PARVB: variants seen among roughly 807,000 people sequenced by gnomAD.
The protein encoded by PARVB is beta-parvin.
Under a neutral mutation model 47.0 loss-of-function variants are expected in PARVB, and 46 were observed. The ratio of observed to expected loss-of-function variants is 0.98; its 90% CI spans 0.77 to 1.25. The LOEUF is 1.25. Ranked by LOEUF, PARVB falls within the 50% of genes most tolerant of loss-of-function variation. The pLI is 0.00. For synonymous variants in PARVB, 196 were observed against 196.3 expected, an observed-to-expected ratio of 1.00 and a Z score of 0.01; for missense variants, 473 against 471.6, an observed-to-expected ratio of 1.00 and a Z score of -0.03.
chr22:44,030,042 G>A (rs572193726), intron 1 of PARVB, among the ~76,000 whole-genome samples: 5 of 152,382 alleles, frequency 3.3e-5, no homozygotes, highest in African/African-American at 7.2e-5. Flanking sequence ...ACCAGCAACC[G>A]AGAATTTCCT....
At chr22:44,046,151 G>C (rs1354003022) in intron 1 of PARVB, among the ~76,000 whole-genome samples, 1 of 152,194 alleles carries the variant, frequency 6.6e-6, no homozygotes, top group Non-Finnish European at 1.5e-5. Flanking sequence ...TTTATCCCTG[G>C]GTGGCTTATG....
At position 44,063,125 on chromosome 22, in the gene PARVB, A is replaced by G. The variant is rs1242088939; in HGVS notation, c.113-30803A>G. Among the ~76,000 whole-genome samples the G allele has an allele frequency of 3.3e-5, 5 of 151,758 alleles. No individual in the cohort carries two copies. In the South Asian group the frequency reaches 1.0e-3, roughly 32 times the overall value. On this transcript the variant is annotated intron_variant, in intron 1 of 12. Transcript: ENST00000338758. ...TGTCAGGAACCAGGGTCAAAGACTA[A>G]ATATTAGAACAAAAGATTGTCCTGG...
intron 7 of PARVB, among the ~76,000 whole-genome samples, chr22:44,137,829 C>T (rs745688311): frequency 5.3e-5 from 8 of 152,124 alleles, no homozygotes; most frequent in Non-Finnish European, 8.8e-5. Context: ...CTTGGACATC[C>T]ATACCTATGT....
intron 1 of PARVB, among the ~76,000 whole-genome samples, chr22:44,050,078 G>A (rs934575767): frequency 2.6e-5 from 4 of 152,174 alleles, no homozygotes; most frequent in Non-Finnish European, 5.9e-5. Context: ...AGTTCTTCCT[G>A]CCTCAGATGA....
intron 1 of PARVB, among the ~76,000 whole-genome samples, chr22:44,069,778 C>T (rs1015988774): frequency 2.6e-5 from 4 of 152,314 alleles, no homozygotes; most frequent in African/African-American, 9.6e-5. Flanking sequence ...ATCCACCCAC[C>T]TCGGCCTCCC....
At chr22:44,138,076 T>C (rs1333446497) in intron 7 of PARVB, among the ~76,000 whole-genome samples, 1 of 152,038 alleles carries the variant, frequency 6.6e-6, no homozygotes, top group Admixed American at 6.5e-5. Flanking sequence ...GGTGGGAGAA[T>C]TGTCTCAGCT....
intron 1 of PARVB, 54 bp from the exon 2 acceptor site, chr22:44,093,874 G>C: frequency 8.8e-7 from 1 of 1,139,870 alleles, no homozygotes; most frequent in East Asian, 2.4e-5. Flanking sequence ...CAACATGTGA[G>C]GCCACGGCAC....
rs754823832 is a variant in PARVB at position 44,103,719 on chromosome 22, C to T, written c.273+3596C>T. ...GAGGGACATGGGGAGCTTTGACTGC[C>T]CATGAACATGGCAGCTTGACCCTGG... On this transcript the variant is annotated intron_variant, in intron 3 of 12. Transcript: ENST00000338758. This position sits in a 1 kb window ranked among gnomAD's most constrained non-coding sequence, Gnocchi z 4.6. 2.0e-5 allele frequency: 3 copies of T among 152,212 alleles called. No homozygotes were observed. Among genetic ancestry groups the T allele is most frequent in the Non-Finnish European group, 4.4e-5 (3 of 68,060 alleles). The allele number at this position is 152,212 out of a possible 1,614,324, so 9.4% of individuals were successfully genotyped here. A position where few individuals can be genotyped will look rare whatever the true frequency, so the allele number is the denominator to read the frequency against.
intron 12 of PARVB, among the ~76,000 whole-genome samples, chr22:44,164,234 G>C (rs1406605371): frequency 1.3e-5 from 2 of 152,234 alleles, no homozygotes; most frequent in African/African-American, 2.4e-5. Context: ...TGGAAATGCA[G>C]CTTCGTGCCC....
intron 3 of PARVB, chr22:44,112,685 C>CA (rs2052729570): frequency 1.0e-5 from 1 of 100,106 alleles, no homozygotes; most frequent in Non-Finnish European, 2.0e-5. Context: ...TGCACCAACA[C>CA]GGATACATTG....
At chr22:44,026,154 C>A in intron 1 of PARVB, 2 of 193,194 alleles carry the variant, frequency 1.0e-5, no homozygotes, top group Non-Finnish European at 1.9e-5. Context: ...AGGAAGAACA[C>A]ACACCCAAAG....
At chr22:44,034,131 A>G (rs1364140693) in intron 1 of PARVB, among the ~76,000 whole-genome samples, 1 of 150,552 alleles carries the variant, frequency 6.6e-6, no homozygotes, top group African/African-American at 2.4e-5. Flanking sequence ...TGTATAAAGA[A>G]TATAAAGAAT....
intron 1 of PARVB, among the ~76,000 whole-genome samples, chr22:44,056,075 C>T (rs1203065466): frequency 1.3e-5 from 2 of 152,190 alleles, no homozygotes; most frequent in African/African-American, 4.8e-5. Context: ...TTTGCACACG[C>T]ATGCATCTCT....
chr22:44,102,233 A>G (rs1158528458), intron 3 of PARVB, among the ~76,000 whole-genome samples: 1 of 152,054 alleles, frequency 6.6e-6, no homozygotes, highest in African/African-American at 2.4e-5. Context: ...TTTTTGTTCT[A>G]TGGGATCAGA....
intron 1 of PARVB, among the ~76,000 whole-genome samples, chr22:44,061,984 A>C (rs1384057255): frequency 6.6e-6 from 1 of 152,202 alleles, no homozygotes; most frequent in Non-Finnish European, 1.5e-5. Flanking sequence ...CTGAGCTTAC[A>C]AATTTTAGCC....
At chr22:44,072,934 A>G (rs1030037443) in intron 1 of PARVB, among the ~76,000 whole-genome samples, 4 of 152,076 alleles carry the variant, frequency 2.6e-5, no homozygotes, top group African/African-American at 7.2e-5. Context: ...GCCTCTCTGG[A>G]CTACTACACT....
chr22:44,123,654 A>G (rs925969345), intron 4 of PARVB, among the ~76,000 whole-genome samples: 1 of 152,084 alleles, frequency 6.6e-6, no homozygotes, highest in Non-Finnish European at 1.5e-5. Flanking sequence ...GGCTCAAGCA[A>G]TCCACCCACC....
At position 44,006,325 on chromosome 22, in the gene PARVB, A is replaced by G. The variant is rs183935611; in HGVS notation, c.211+6652A>G. ...GTGTAGTGCAGGAATCTGACGATAC[A>G]TTAGAAATGCAGAGTCCTGGCCAGA... is the stretch of plus-strand genomic sequence containing the variant. On this transcript the variant is annotated intron_variant, in intron 2 of 13. Transcript: ENST00000406477. Among the ~76,000 whole-genome samples the G allele has an allele frequency of 1.6e-3, 237 of 152,360 alleles. 1 individual carries two copies. The highest frequency in any genetic ancestry group is 5.5e-3 in the African/African-American group (230 of 41,586).
chr22:44,027,914 CATATATATAT>C (rs3083338), intron 1 of PARVB, among the ~76,000 whole-genome samples: 2 of 133,252 alleles, frequency 1.5e-5, no homozygotes, highest in Admixed American at 7.5e-5. Flanking sequence ...AAAAAAAAAC[CATATATATAT>C]ATATATATAT....
Sources: gnomAD v4.1 joint callset for allele counts (sites outside exome capture counted in the v4.1 genomes callset) on GRCh38, gnomAD v4.1.1 for gene constraint, Gnocchi (gnomAD v3.1) non-coding constraint, MANE v1.5 for transcripts, NCBI Gene and HGNC (gene_info 2026-07-23, HGNC 2026-07-21) for gene names.